Variants in GRID1 observed in about 807,000 individuals in gnomAD.
GRID1 encodes the protein glutamate receptor ionotropic, delta-1.
Under a neutral mutation model 98.0 loss-of-function variants are expected in GRID1, and 28 were observed. The observed-to-expected ratio is 0.29, with a 90% confidence interval of 0.21 to 0.39. The LOEUF is 0.39. GRID1 is among the 10% of genes least tolerant of loss of function. The pLI is 1.00. For synonymous variants in GRID1, 553 were observed against 538.5 expected, an observed-to-expected ratio of 1.03 and a Z score of -0.37; for missense variants, 1,111 against 1,340.5, an observed-to-expected ratio of 0.83 and a Z score of 2.67.
chr10:86,032,527 C>T (rs1050289845), intron 4 of GRID1, among the ~76,000 whole-genome samples: 5 of 152,102 alleles, frequency 3.3e-5, no homozygotes, highest in African/African-American at 9.7e-5. Flanking sequence ...AACCTTACCC[C>T]CAACCCCTTG....
At chr10:85,665,246 C>T (rs1324224879) in intron 12 of GRID1, among the ~76,000 whole-genome samples, 1 of 152,056 alleles carries the variant, frequency 6.6e-6, no homozygotes, top group Non-Finnish European at 1.5e-5. Context: ...GTGACTAGCC[C>T]ACCACACATG....
intron 3 of GRID1, among the ~76,000 whole-genome samples, chr10:86,164,772 C>A (rs1460646504): frequency 6.6e-6 from 1 of 152,062 alleles, no homozygotes; most frequent in East Asian, 1.9e-4. Context: ...CCTCCAGGAC[C>A]GATGGAAGCC....
chr10:85,809,409 C>A (rs1335865435), intron 8 of GRID1, among the ~76,000 whole-genome samples: 2 of 152,124 alleles, frequency 1.3e-5, no homozygotes, highest in East Asian at 3.8e-4. Context: ...TATAGTCATA[C>A]TCCCAAAACC....
chr10:85,651,794 T>C (rs538974008), intron 12 of GRID1, among the ~76,000 whole-genome samples: 1 of 152,210 alleles, frequency 6.6e-6, no homozygotes, highest in African/African-American at 2.4e-5. Context: ...CAAGCATGTG[T>C]ATCACTTGAG....
At chr10:86,291,185 G>A (rs1397954699) in intron 2 of GRID1, among the ~76,000 whole-genome samples, 5 of 152,212 alleles carry the variant, frequency 3.3e-5, no homozygotes, top group Non-Finnish European at 7.4e-5. Context: ...GTGGCGGGGG[G>A]TGGAAAGCAG....
intron 8 of GRID1, among the ~76,000 whole-genome samples, chr10:85,787,342 A>C (rs1003333234): frequency 6.6e-6 from 1 of 151,780 alleles, no homozygotes; most frequent in African/African-American, 2.4e-5. Flanking sequence ...TTGGCCATGC[A>C]CTCTGCTTTT....
intron 4 of GRID1, among the ~76,000 whole-genome samples, chr10:86,086,680 G>A (rs533917971): frequency 1.4e-4 from 21 of 152,302 alleles, no homozygotes; most frequent in Admixed American, 1.2e-3. Context: ...AAGTGTCCAT[G>A]TGTGTGCATG....
At chr10:86,312,822 G>C (rs978347423) in intron 2 of GRID1, among the ~76,000 whole-genome samples, 6 of 152,206 alleles carry the variant, frequency 3.9e-5, no homozygotes, top group African/African-American at 1.2e-4. Flanking sequence ...GGTGTCAGTG[G>C]ACAAACCCCA....
chr10:86,307,055 T>C (rs1847768098), intron 2 of GRID1, among the ~76,000 whole-genome samples: 1 of 152,198 alleles, frequency 6.6e-6, no homozygotes, highest in Non-Finnish European at 1.5e-5. Context: ...GGTGAAGATG[T>C]GGAGAAAATG....
At chr10:85,815,217 A>T (rs1185364820) in intron 8 of GRID1, among the ~76,000 whole-genome samples, 1 of 152,084 alleles carries the variant, frequency 6.6e-6, no homozygotes, top group African/African-American at 2.4e-5. Context: ...AAAACTCTCA[A>T]GGAACTAAGA....
chr10:85,876,754 G>GTGCAGGACAGTGGA (rs1321290046), intron 5 of GRID1, among the ~76,000 whole-genome samples: 3 of 152,192 alleles, frequency 2.0e-5, no homozygotes, highest in Non-Finnish European at 2.9e-5. Flanking sequence ...CAGACAGTGG[G>GTGCAGGACAGTGGA]TGCAGGACAG....
At chr10:85,610,425 G>A (rs1030662834) in intron 15 of GRID1, among the ~76,000 whole-genome samples, 4 of 152,160 alleles carry the variant, frequency 2.6e-5, no homozygotes, top group Non-Finnish European at 4.4e-5. Context: ...TGAGCTCCAG[G>A]AGGTATGATG....
intron 4 of GRID1, among the ~76,000 whole-genome samples, chr10:86,049,618 C>A (rs780541433): frequency 5.9e-5 from 9 of 152,178 alleles, no homozygotes; most frequent in Non-Finnish European, 1.0e-4. Flanking sequence ...GCAATGGGAA[C>A]CCTGCCAGAA....
At chr10:86,097,312 G>A (rs993974322) in intron 4 of GRID1, among the ~76,000 whole-genome samples, 7 of 152,148 alleles carry the variant, frequency 4.6e-5, no homozygotes, top group Non-Finnish European at 7.4e-5. Context: ...CAAATATATC[G>A]AAAACTGCTA....
intron 4 of GRID1, among the ~76,000 whole-genome samples, chr10:85,929,355 C>T (rs777859548): frequency 5.3e-5 from 8 of 152,162 alleles, no homozygotes; most frequent in African/African-American, 1.9e-4. Flanking sequence ...TCCAGACTGA[C>T]CCAGGGTAAC....
intron 4 of GRID1, among the ~76,000 whole-genome samples, chr10:86,115,710 C>A (rs555139834): frequency 3.5e-4 from 54 of 152,270 alleles, no homozygotes; most frequent in Non-Finnish European, 7.1e-4. Flanking sequence ...CTAAAAGGAC[C>A]GACAGAGCCA....
intron 4 of GRID1, among the ~76,000 whole-genome samples, chr10:85,949,212 A>C (rs1295678111): frequency 1.3e-5 from 2 of 152,238 alleles, no homozygotes; most frequent in African/African-American, 4.8e-5. Context: ...TGTTATTAAA[A>C]TAATAATAAT....
At position 85,658,570 on chromosome 10, in the gene GRID1, C is replaced by T. The variant is rs111302164; in HGVS notation, c.1998-11173G>A. Among the ~76,000 whole-genome samples, 30 of 152,240 alleles carry T rather than the reference C, an allele frequency of 2.0e-4. 1 individual carries two copies. Among genetic ancestry groups the T allele is most frequent in the Admixed American group, 5.9e-4 (9 of 15,294 alleles). On this transcript the variant is annotated intron_variant, in intron 12 of 15. Coordinates refer to ENST00000327946, the MANE Select transcript of GRID1 (RefSeq NM_017551.3). ...TATGGTGATATTAAGTAGCTCATAG[C>T]TAAGTGAGGAGGGCGAACAGGCACA...
At chr10:85,772,099 G>C (rs1391705696) in intron 8 of GRID1, among the ~76,000 whole-genome samples, 1 of 152,146 alleles carries the variant, frequency 6.6e-6, no homozygotes, top group Admixed American at 6.5e-5. Flanking sequence ...AAATGTAAAA[G>C]ATAAGAAATC....
Sources: allele counts gnomAD v4.1 joint callset (sites outside exome capture counted in the v4.1 genomes callset), GRCh38; gene constraint gnomAD v4.1.1; transcripts MANE v1.5; gene names NCBI Gene and HGNC (gene_info 2026-07-23, HGNC 2026-07-21).